RBFOX1: variants seen among roughly 807,000 people sequenced by gnomAD.
RBFOX1 encodes the protein RNA binding fox-1 homolog 1.
Under a neutral mutation model 57.7 loss-of-function variants are expected in RBFOX1, and 8 were observed. The ratio of observed to expected loss-of-function variants is 0.14; its 90% confidence interval spans 0.08 to 0.25. The LOEUF is 0.25. Ranked by LOEUF, RBFOX1 falls within the 10% of genes least tolerant of loss-of-function variation. The pLI, the probability that RBFOX1 is intolerant of heterozygous loss-of-function variation, is 1.00. For synonymous variants in RBFOX1, 326 were observed against 222.4 expected, an observed-to-expected ratio of 1.47 and a Z score of -4.15; for missense variants, 611 against 548.5, an observed-to-expected ratio of 1.11 and a Z score of -1.14.
chr16:6,418,674 C>A (rs2093693162), intron 2 of RBFOX1, among the ~76,000 whole-genome samples: 1 of 151,908 alleles, frequency 6.6e-6, no homozygotes, highest in African/African-American at 2.4e-5. Context: ...AGGTGCATGC[C>A]ACCACACCTG....
At chr16:5,551,809 G>A (rs969491198) in intron 2 of RBFOX1, among the ~76,000 whole-genome samples, 1 of 141,432 alleles carries the variant, frequency 7.1e-6, no homozygotes, top group Non-Finnish European at 1.5e-5. Context: ...CCCCCCGACA[G>A]GTGCTGGTGT....
intron 4 of RBFOX1, among the ~76,000 whole-genome samples, chr16:5,877,298 C>T (rs1052364158): frequency 6.6e-6 from 1 of 152,180 alleles, no homozygotes; most frequent in Non-Finnish European, 1.5e-5. Flanking sequence ...GTCTTTTAGA[C>T]CCTGGTAACT....
In RBFOX1 at chr16:5,411,137, AG is replaced by A. The variant is rs996602778; in HGVS notation, c.220-56076del. On this transcript the variant is annotated intron_variant, in intron 1 of 2. Coordinates refer to the RBFOX1 transcript ENST00000585867. ...GATATAATTCTTGGGCGGAGGCCAG[AG>A]GGCAGACTGTGGTGGGAAGAAAAAA... Among the ~76,000 whole-genome samples the A allele has an allele frequency of 1.3e-3, 205 of 152,380 alleles. 1 individual carries two copies. The highest frequency in any genetic ancestry group is 4.8e-3 in the African/African-American group (199 of 41,596).
At chr16:5,670,572 G>A (rs1022252857) in intron 3 of RBFOX1, among the ~76,000 whole-genome samples, 9 of 152,184 alleles carry the variant, frequency 5.9e-5, no homozygotes, top group Admixed American at 5.9e-4. Flanking sequence ...ACTGCCTGAG[G>A]TCCTGGGTTT....
chr16:6,865,242 A>T (rs993004494), intron 3 of RBFOX1, among the ~76,000 whole-genome samples: 1 of 151,842 alleles, frequency 6.6e-6, no homozygotes, highest in African/African-American at 2.4e-5. Flanking sequence ...ACCTCAGGTG[A>T]TCCACCCGCC....
At chr16:7,145,656 T>G (rs923245285) in intron 4 of RBFOX1, among the ~76,000 whole-genome samples, 2 of 152,176 alleles carry the variant, frequency 1.3e-5, no homozygotes, top group Non-Finnish European at 2.9e-5. Flanking sequence ...TCTGGGTGTT[T>G]AATAGCTGAA....
chr16:7,300,608 T>C lies in RBFOX1; in HGVS notation c.28-217539T>C, dbSNP rs553395577. On this transcript the variant is annotated intron_variant, in intron 4 of 15. Coordinates refer to ENST00000550418, the MANE Select transcript of RBFOX1 (RefSeq NM_018723.4). ...TTGCTCTGAGGTATGGCAACTCTTA[T>C]AGAAAGTATTTTTTTTAGTGGAATG... Among the ~76,000 whole-genome samples, 681 of 73,750 alleles carry C rather than the reference T, an allele frequency of 9.2e-3. 3 individuals are homozygous for C. The highest frequency in any genetic ancestry group is 0.03 in the African/African-American group (634 of 20,988). 48.4% of individuals were successfully genotyped at this position (73,750 alleles called of 152,430 possible).
chr16:7,606,146 G>A (rs1185562387), intron 9 of RBFOX1, among the ~76,000 whole-genome samples: 4 of 127,782 alleles, frequency 3.1e-5, no homozygotes, highest in Non-Finnish European at 6.5e-5. Flanking sequence ...TTTCCCGAGA[G>A]AGTCTCACAC....
At chr16:6,206,147 T>C (rs1353215210) in intron 1 of RBFOX1, among the ~76,000 whole-genome samples, 1 of 152,098 alleles carries the variant, frequency 6.6e-6, no homozygotes, top group Non-Finnish European at 1.5e-5. Flanking sequence ...GAAGAAAACT[T>C]CTTACTATGA....
intron 2 of RBFOX1, among the ~76,000 whole-genome samples, chr16:5,513,356 A>G (rs192603678): frequency 9.2e-5 from 14 of 152,324 alleles, no homozygotes; most frequent in Non-Finnish European, 1.6e-4. Context: ...CTGTGGAGAT[A>G]AAGTGCCCCT....
chr16:5,842,800 A>G (rs968185310), intron 3 of RBFOX1, among the ~76,000 whole-genome samples: 1 of 151,824 alleles, frequency 6.6e-6, no homozygotes, highest in Non-Finnish European at 1.5e-5. Flanking sequence ...CCACATTACT[A>G]TTTTTGTTTT....
At chr16:6,336,784 T>A (rs533703076) in intron 2 of RBFOX1, among the ~76,000 whole-genome samples, 3 of 152,274 alleles carry the variant, frequency 2.0e-5, no homozygotes, top group African/African-American at 7.2e-5. Flanking sequence ...TAAGGAAGAC[T>A]GGATGTATAG....
chr16:7,634,722 G>C (rs72775002), intron 11 of RBFOX1, among the ~76,000 whole-genome samples: 6,238 of 152,012 alleles, frequency 0.041, 180 homozygotes, highest in South Asian at 0.12. Context: ...GTTTTTCTCC[G>C]TCACCCCTGA....
chr16:5,401,612 A>T (rs1028775189), intron 1 of RBFOX1, among the ~76,000 whole-genome samples: 1 of 152,250 alleles, frequency 6.6e-6, no homozygotes, highest in African/African-American at 2.4e-5. Flanking sequence ...TGGGACTGGC[A>T]TAAACTATAA....
chr16:7,200,626 C>T (rs908683513), intron 4 of RBFOX1, among the ~76,000 whole-genome samples: 3 of 152,172 alleles, frequency 2.0e-5, no homozygotes, highest in Non-Finnish European at 4.4e-5. Flanking sequence ...TTTATGCCTT[C>T]TTTTAAAGGA....
chr16:5,569,660 T>C (rs886882538), intron 2 of RBFOX1, among the ~76,000 whole-genome samples: 1 of 151,946 alleles, frequency 6.6e-6, no homozygotes, highest in African/African-American at 2.4e-5. Context: ...ACCAGGAGTC[T>C]AACTCCAAAG....
intron 1 of RBFOX1, among the ~76,000 whole-genome samples, chr16:6,297,670 A>ACCC (rs1166168076): frequency 6.6e-6 from 1 of 151,716 alleles, no homozygotes; most frequent in Non-Finnish European, 1.5e-5. Flanking sequence ...GGCCCACCAC[A>ACCC]CCCCCCTATC....
chr16:6,399,688 G>A (rs1466508236), intron 2 of RBFOX1, among the ~76,000 whole-genome samples: 1 of 152,146 alleles, frequency 6.6e-6, no homozygotes, highest in Non-Finnish European at 1.5e-5. Context: ...TTACAGCAGT[G>A]CACTCCACTA....
chr16:7,279,324 G>A (rs901330161), intron 4 of RBFOX1, among the ~76,000 whole-genome samples: 8 of 152,118 alleles, frequency 5.3e-5, no homozygotes, highest in Admixed American at 2.0e-4. Context: ...TCTCAGAAAT[G>A]TCTTGTTTTC....
Sources: gnomAD v4.1 joint callset for allele counts (sites outside exome capture counted in the v4.1 genomes callset) on GRCh38, gnomAD v4.1.1 for gene constraint, MANE v1.5 for transcripts, NCBI Gene and HGNC (gene_info 2026-07-23, HGNC 2026-07-21) for gene names.